Variants in SPIDR observed in about 807,000 individuals in gnomAD.
SPIDR encodes DNA repair-scaffolding protein.
Under a neutral mutation model 104.6 loss-of-function variants are expected in SPIDR, and 93 were observed. The observed-to-expected ratio is 0.89, with a 90% confidence interval of 0.75 to 1.06. The LOEUF (loss-of-function observed/expected upper bound fraction) is 1.06, where lower values mean the gene tolerates loss of function less well. SPIDR is among the 50% of genes least tolerant of loss of function. The pLI is 0.00. For missense variants in SPIDR, 1,154 were observed against 1,111.2 expected (o/e 1.04, Z -0.55); for synonymous variants, 431 against 416.9 (o/e 1.03, Z -0.41).
At chr8:47,376,418 A>G (rs1271254414) in intron 5 of SPIDR, among the ~76,000 whole-genome samples, 1 of 152,210 alleles carries the variant, frequency 6.6e-6, no homozygotes, top group East Asian at 1.9e-4. Flanking sequence ...GAAGCCCTGT[A>G]TATAGAACCC....
chr8:47,529,698 CAATT>C (rs1473725778), intron 8 of SPIDR, among the ~76,000 whole-genome samples: 1 of 152,052 alleles, frequency 6.6e-6, no homozygotes, highest in Non-Finnish European at 1.5e-5. Context: ...AATAAAACCT[CAATT>C]GATCTAACAC....
intron 8 of SPIDR, among the ~76,000 whole-genome samples, chr8:47,502,922 G>T (rs373789866): frequency 3.9e-5 from 6 of 152,258 alleles, no homozygotes; most frequent in South Asian, 2.1e-4. Context: ...AGCACGTTGT[G>T]CAGTTTCCAT....
intron 10 of SPIDR, among the ~76,000 whole-genome samples, chr8:47,669,567 G>C (rs919951097): frequency 1.3e-5 from 2 of 152,210 alleles, no homozygotes; most frequent in African/African-American, 4.8e-5. Flanking sequence ...TTGAGACAAA[G>C]GAAAACGTCA....
chr8:47,353,213 G>A (rs998154610), intron 5 of SPIDR, among the ~76,000 whole-genome samples: 12 of 152,056 alleles, frequency 7.9e-5, no homozygotes, highest in African/African-American at 2.9e-4. Context: ...AAAGTGTGTA[G>A]ACTGCCTGCA....
At chr8:47,710,517 G>A (rs1259921402) in intron 14 of SPIDR, among the ~76,000 whole-genome samples, 1 of 150,508 alleles carries the variant, frequency 6.6e-6, no homozygotes, top group Non-Finnish European at 1.5e-5. Context: ...TGCCCAGGCT[G>A]GAATGCAATG....
chr8:47,633,558 GAAA>G (rs113678854), intron 10 of SPIDR, among the ~76,000 whole-genome samples: 1 of 134,322 alleles, frequency 7.4e-6, no homozygotes, highest in Non-Finnish European at 1.6e-5. Context: ...GCAAATGATT[GAAA>G]AAAAAAAAAA....
intron 10 of SPIDR, among the ~76,000 whole-genome samples, chr8:47,636,510 G>C (rs914139652): frequency 6.6e-6 from 1 of 152,180 alleles, no homozygotes; most frequent in Non-Finnish European, 1.5e-5. Context: ...CAGATCAAAA[G>C]CTAGACCTTT....
intron 9 of SPIDR, among the ~76,000 whole-genome samples, chr8:47,596,911 G>C (rs537187327): frequency 2.0e-5 from 3 of 151,698 alleles, no homozygotes; most frequent in South Asian, 4.2e-4. Flanking sequence ...ATCTTCACAG[G>C]GTCAGGGCCA....
At chr8:47,450,031 G>T (rs895461218) in intron 8 of SPIDR, among the ~76,000 whole-genome samples, 1 of 152,110 alleles carries the variant, frequency 6.6e-6, no homozygotes, top group Non-Finnish European at 1.5e-5. Flanking sequence ...AGGCACGATG[G>T]TGCATGCATG....
At chr8:47,402,292 G>A (rs2062014849) in intron 6 of SPIDR, among the ~76,000 whole-genome samples, 2 of 152,084 alleles carry the variant, frequency 1.3e-5, no homozygotes, top group African/African-American at 2.4e-5. Context: ...ACAATTAACA[G>A]AACTAGAGAA....
At chr8:47,505,145 A>G (rs531194968) in intron 8 of SPIDR, among the ~76,000 whole-genome samples, 11 of 152,066 alleles carry the variant, frequency 7.2e-5, no homozygotes, top group Middle Eastern at 3.4e-3. Context: ...GAGAACCACT[A>G]CTCCCTTCAA....
At chr8:47,404,211 TA>T (rs1308308461) in intron 6 of SPIDR, among the ~76,000 whole-genome samples, 1 of 152,202 alleles carries the variant, frequency 6.6e-6, no homozygotes. Flanking sequence ...CAAGATGGAT[TA>T]AAGCATTAAA....
intron 5 of SPIDR, among the ~76,000 whole-genome samples, chr8:47,296,352 T>C (rs1198552131): frequency 1.3e-5 from 2 of 152,212 alleles, no homozygotes; most frequent in East Asian, 3.8e-4. Context: ...ACCAGTGTTA[T>C]GGAGCATTTT....
chr8:47,363,270 A>G lies in SPIDR; in HGVS notation c.526-33106A>G, dbSNP rs1277236138. The stretch of plus-strand genomic sequence containing the variant: ...ACCCAGGCTGGAGTGCAGTGGTGCA[A>G]TCTCAGCTTGCTGCAAGCTGTGCCT... On this transcript the variant is annotated intron_variant, in intron 5 of 19. Transcript: ENST00000297423. Among the ~76,000 whole-genome samples the G allele has an allele frequency of 6.6e-5, 9 of 135,904 alleles. 1 individual carries two copies. Among genetic ancestry groups the G allele is most frequent in the African/African-American group, 2.6e-4 (9 of 35,232 alleles). 89.2% of individuals were successfully genotyped at this position (135,904 alleles called of 152,430 possible).
chr8:47,605,952 T>G (rs2062885485), intron 10 of SPIDR, among the ~76,000 whole-genome samples: 1 of 152,168 alleles, frequency 6.6e-6, no homozygotes. Flanking sequence ...GGAAGCTTGC[T>G]TGAAGGTGAT....
At chr8:47,579,642 T>C (rs975951132) in intron 8 of SPIDR, among the ~76,000 whole-genome samples, 4 of 152,216 alleles carry the variant, frequency 2.6e-5, no homozygotes, top group African/African-American at 7.2e-5. Flanking sequence ...TATAAATCTT[T>C]CCATGGTAAC....
intron 5 of SPIDR, among the ~76,000 whole-genome samples, chr8:47,317,754 A>G (rs1453330510): frequency 1.3e-5 from 2 of 152,106 alleles, no homozygotes; most frequent in East Asian, 3.9e-4. Context: ...CAAAACTTCC[A>G]GAGGAACAAT....
chr8:47,534,954 G>A (rs1365994509), intron 8 of SPIDR, among the ~76,000 whole-genome samples: 1 of 152,046 alleles, frequency 6.6e-6, no homozygotes, highest in Admixed American at 6.6e-5. Context: ...CACAGTGAAA[G>A]AGTGACCATT....
At chr8:47,585,290 C>A (rs1377745517) in intron 8 of SPIDR, among the ~76,000 whole-genome samples, 1 of 152,028 alleles carries the variant, frequency 6.6e-6, no homozygotes, top group African/African-American at 2.4e-5. Context: ...TAGATACTGA[C>A]CATTGTTAAT....
Sources: allele counts gnomAD v4.1 joint callset (sites outside exome capture counted in the v4.1 genomes callset), GRCh38; gene constraint gnomAD v4.1.1; transcripts MANE v1.5; gene names NCBI Gene and HGNC (gene_info 2026-07-23, HGNC 2026-07-21).